Variants in HS1BP3 observed in about 807,000 individuals in gnomAD.
HS1BP3 encodes the protein HCLS1-binding protein 3.
A neutral mutation model predicts 33.5 loss-of-function variants in HS1BP3; 32 were observed. The ratio of observed to expected loss-of-function variants is 0.95; its 90% CI spans 0.72 to 1.28. The LOEUF (loss-of-function observed/expected upper bound fraction) is 1.28. Among genes scored for constraint, HS1BP3 ranks in the 50% most tolerant of loss-of-function variants. The pLI, the probability that HS1BP3 is intolerant of heterozygous loss-of-function variation, is 0.00. For synonymous variants in HS1BP3, 187 were observed against 209.2 expected, an observed-to-expected ratio of 0.89 and a Z score of 0.92; for missense variants, 486 against 502.3, an observed-to-expected ratio of 0.97 and a Z score of 0.31.
Position 20,641,135 on chromosome 2 carries a change from TCA to T in HS1BP3, c.242_243del (p.Leu81GlnfsTer23), listed in dbSNP as rs1165607286. The part of the protein sequence containing the change: ...YSEIEEFYQK[L>X]SSRYAAASLP... ...AGGCTGGCTGCTGCATAACGACTGCTCAGTTTCTGGTAAAACTCCTCAATCTC... is the reference window on the plus strand; with the variant it reads ...AGGCTGGCTGCTGCATAACGACTGCTGTTTCTGGTAAAACTCCTCAATCTC... On this transcript the variant is annotated frameshift_variant, in exon 3 of 7. Transcript: ENST00000304031. LOFTEE classifies it high-confidence loss of function. The T allele has an allele frequency of 1.2e-6, 2 of 1,611,646 alleles. No homozygotes were observed. Among genetic ancestry groups the T allele is most frequent in the Non-Finnish European group, 1.7e-6 (2 of 1,179,994 alleles).
downstream of HS1BP3, among the ~76,000 whole-genome samples, chr2:20,556,143 T>C (rs1692836346): frequency 6.6e-6 from 1 of 152,236 alleles, no homozygotes; most frequent in South Asian, 2.1e-4. Flanking sequence ...TGAATATGCT[T>C]AGATCTTTAT....
intron 5 of HS1BP3, among the ~76,000 whole-genome samples, chr2:20,579,685 C>T (rs945793848): frequency 2.6e-5 from 4 of 152,192 alleles, no homozygotes; most frequent in Non-Finnish European, 5.9e-5. Context: ...AAACCAATAC[C>T]AAGTCACCTA....
At chr2:20,571,350 C>G (rs1306626217) in intron 5 of HS1BP3, among the ~76,000 whole-genome samples, 1 of 152,198 alleles carries the variant, frequency 6.6e-6, no homozygotes, top group Non-Finnish European at 1.5e-5. Context: ...CCTCACAGCA[C>G]AGCCTGAGCC....
At chr2:20,577,202 T>A (rs1314253036) in intron 5 of HS1BP3, among the ~76,000 whole-genome samples, 2 of 151,968 alleles carry the variant, frequency 1.3e-5, no homozygotes, top group African/African-American at 4.8e-5. Flanking sequence ...ACACTGATAT[T>A]CATGTACAAT....
At chr2:20,635,690 A>G (rs56336286) in intron 4 of HS1BP3, 26,694 of 152,158 alleles carry the variant, frequency 0.18, 2,658 homozygotes, top group Non-Finnish European at 0.22. Flanking sequence ...CATAGGGTGG[A>G]AAAGCAGAGT....
chr2:20,593,037 C>G (rs1031151130), intron 3 of HS1BP3, among the ~76,000 whole-genome samples: 7 of 152,126 alleles, frequency 4.6e-5, no homozygotes, highest in Non-Finnish European at 1.0e-4. Context: ...TATCCATGAC[C>G]TCCAACCTCC....
intron 4 of HS1BP3, among the ~76,000 whole-genome samples, chr2:20,625,675 C>T (rs535976721): frequency 6.6e-6 from 1 of 152,366 alleles, no homozygotes; most frequent in South Asian, 2.1e-4. Context: ...CCCCAGGTCC[C>T]ATTACAGTGC....
At chr2:20,645,196 A>G (rs1010709401) in intron 2 of HS1BP3, 144 bp downstream of exon 2, 3 of 743,902 alleles carry the variant, frequency 4.0e-6, no homozygotes, top group African/African-American at 3.5e-5. Flanking sequence ...TCTGTCTAGC[A>G]TGGTCTGGTA....
intron 2 of HS1BP3, among the ~76,000 whole-genome samples, chr2:20,604,801 T>C (rs1444561764): frequency 6.6e-6 from 1 of 152,066 alleles, no homozygotes; most frequent in South Asian, 2.1e-4. Context: ...TTCCATCCCA[T>C]CCCCTGAGAG....
At chr2:20,598,826 G>A (rs1422454426) in intron 2 of HS1BP3, among the ~76,000 whole-genome samples, 1 of 152,088 alleles carries the variant, frequency 6.6e-6, no homozygotes, top group African/African-American at 2.4e-5. Flanking sequence ...CCAAAGTGCT[G>A]GGATTACAGG....
At chr2:20,566,404 C>T (rs536218127) in intron 5 of HS1BP3, among the ~76,000 whole-genome samples, 1 of 152,298 alleles carries the variant, frequency 6.6e-6, no homozygotes, top group African/African-American at 2.4e-5. Flanking sequence ...GCCCCAGTGG[C>T]CTGAGCACCT....
At chr2:20,582,615 C>T (rs898649306) in intron 5 of HS1BP3, among the ~76,000 whole-genome samples, 9 of 152,160 alleles carry the variant, frequency 5.9e-5, no homozygotes, top group African/African-American at 1.9e-4. Flanking sequence ...TCTGCACCCC[C>T]ATCCTTGGCA....
rs1327658442 is a variant in HS1BP3, at chr2:20,611,132, T to C, written c.178+12764A>G. On this transcript the variant is annotated intron_variant, in intron 2 of 3. Transcript: ENST00000415264. The surrounding 1 kb of genome is among the most constrained non-coding windows in gnomAD (Gnocchi z 4.9). ...TGTGGTATGTCTGTTAGAGGGTTTT[T>C]CCTTTTTGACGCTGCACAGCATTCC... 1.3e-5 allele frequency among the ~76,000 whole-genome samples: 2 copies of C among 152,262 alleles called. No homozygotes were observed. Among genetic ancestry groups the C allele is most frequent in the African/African-American group, 4.8e-5 (2 of 41,472 alleles).
chr2:20,568,442 C>T (rs993957770), intron 5 of HS1BP3, among the ~76,000 whole-genome samples: 4 of 152,122 alleles, frequency 2.6e-5, no homozygotes, highest in African/African-American at 7.2e-5. Context: ...AAGCCTGGGC[C>T]GCCGTCAGGC....
downstream of HS1BP3, among the ~76,000 whole-genome samples, chr2:20,557,979 C>T (rs551688324): frequency 1.4e-3 from 209 of 152,358 alleles, no homozygotes; most frequent in South Asian, 8.5e-3. Flanking sequence ...AAGCAGAGGG[C>T]ACCAGGCTGC....
At chr2:20,604,296 G>A (rs2149283907) in intron 2 of HS1BP3, among the ~76,000 whole-genome samples, 1 of 152,278 alleles carries the variant, frequency 6.6e-6, no homozygotes, top group East Asian at 1.9e-4. Flanking sequence ...TGCAGAATCA[G>A]TAGCTTTCTA....
chr2:20,649,452 C>T (rs1355702016), intron 1 of HS1BP3, among the ~76,000 whole-genome samples: 2 of 152,250 alleles, frequency 1.3e-5, no homozygotes, highest in East Asian at 3.8e-4. Flanking sequence ...CACTCTGTTG[C>T]CCCCACTGTT....
In HS1BP3 at chr2:20,619,913, C is replaced by T. The variant is rs931551505; in HGVS notation, c.921-668G>A. ...CGCTGTGGGCCACACGGGTGCCAGA[C>T]GGAACCCAGTGAGAGCTGAGGATGG... On this transcript the variant is annotated intron_variant, in intron 6 of 6. Coordinates refer to ENST00000304031, the MANE Select transcript of HS1BP3 (RefSeq NM_022460.4). Among the ~76,000 whole-genome samples the T allele has an allele frequency of 2.6e-5, 4 of 152,166 alleles. No individual in the cohort carries two copies. In the East Asian group the frequency reaches 5.8e-4, roughly 22 times the overall value.
In HS1BP3 at chr2:20,618,591, G is replaced by T; in HGVS notation, c.*396C>A. On this transcript the variant is annotated 3_prime_UTR_variant, in exon 7 of 7. Transcript: ENST00000304031. ...GGGATAGAGGCCCAGCCCCAGTTTG[G>T]GTCTGTGCTGGGGCTGGCAGAACCC... 2.0e-6 allele frequency: 1 copy of T among 494,838 alleles called. No homozygotes were observed. Among genetic ancestry groups the T allele is most frequent in the Non-Finnish European group, 2.7e-6 (1 of 369,734 alleles). The allele number at this position is 494,838 out of a possible 1,614,324, so 30.7% of individuals were successfully genotyped here. A position where few individuals can be genotyped will look rare whatever the true frequency, so the allele number is the denominator to read the frequency against.
Sources: gnomAD v4.1 joint callset for allele counts (sites outside exome capture counted in the v4.1 genomes callset) on GRCh38, gnomAD v4.1.1 for gene constraint, Gnocchi (gnomAD v3.1) non-coding constraint, MANE v1.5 for transcripts, NCBI Gene and HGNC (gene_info 2026-07-23, HGNC 2026-07-21) for gene names.